Variants in ADGRB1 observed in about 807,000 individuals in gnomAD.
The protein encoded by ADGRB1 is adhesion G protein-coupled receptor B1, also known as brain-specific angiogenesis inhibitor 1.
Under a neutral mutation model 175.7 loss-of-function variants are expected in ADGRB1, and 36 were observed. The observed-to-expected ratio is 0.20, with a 90% confidence interval of 0.16 to 0.27. The LOEUF is 0.27. ADGRB1 is among the 10% of genes least tolerant of loss of function. The probability of loss-of-function intolerance (pLI) is 1.00; values close to 1 mark genes in which losing one functional copy is unlikely to be tolerated. For synonymous variants in ADGRB1, 1,054 were observed against 979.4 expected, an observed-to-expected ratio of 1.08 and a Z score of -1.42; for missense variants, 1,731 against 2,255.3, an observed-to-expected ratio of 0.77 and a Z score of 4.71.
intron 24 of ADGRB1, among the ~76,000 whole-genome samples, chr8:142,527,329 C>T (rs1211075603): frequency 1.3e-5 from 2 of 152,212 alleles, no homozygotes; most frequent in African/African-American, 4.8e-5. Context: ...CCAGCCCTGG[C>T]TGGTGTCTGC....
intron 17 of ADGRB1, among the ~76,000 whole-genome samples, chr8:142,497,242 AGCTGTCCTGGC>A (rs1361759515): frequency 6.6e-6 from 1 of 152,178 alleles, no homozygotes; most frequent in Non-Finnish European, 1.5e-5. Context: ...TGTCAGGTTC[AGCTGTCCTGGC>A]TCGGGACCCA....
At chr8:142,477,317 G>T in intron 5 of ADGRB1, 39 bp downstream of exon 5, 1 of 1,583,022 alleles carries the variant, frequency 6.3e-7, no homozygotes, top group Non-Finnish European at 8.6e-7. Context: ...GACAGCCAGG[G>T]CAGCGGGGGG....
In ADGRB1 at chr8:142,469,407, G is replaced by A. The variant is rs189311967; in HGVS notation, c.784+4425G>A. 6.8e-3 allele frequency among the ~76,000 whole-genome samples: 1,028 copies of A among 151,530 alleles called. 10 individuals carry two copies. The highest frequency in any genetic ancestry group is 9.8e-3 in the Non-Finnish European group (668 of 67,836). ...GGAGTGTGTATGTGCACATGCAGAT[G>A]TGAATGTGAGTGTGTGCACGTGTGA... is the stretch of plus-strand genomic sequence containing the variant. On this transcript the variant is annotated intron_variant, in intron 2 of 30. Transcript: ENST00000517894.
At position 142,542,586 on chromosome 8, in the gene ADGRB1, C is replaced by G; in HGVS notation, c.4352C>G (p.Pro1451Arg). Residue 1451 changes from proline (P) to arginine (R), a missense_variant, in exon 28 of 31, where the codon CCC (proline) becomes CGC (arginine). Transcript: ENST00000517894. The surrounding 1 kb of genome is among the most constrained non-coding windows in gnomAD (Gnocchi z 6.3). Reference protein sequence around the residue: ...DPGEPAAHPGPSTGPSTKNEN... With the variant: ...DPGEPAAHPGRSTGPSTKNEN... ...GGGGAGCCTGCCGCCCATCCGGGAC[C>G]CAGCACGGGGCCCAGCACCAAGAAC... The G allele has an allele frequency of 6.5e-7, 1 of 1,543,004 alleles. No homozygotes were observed. The highest frequency in any genetic ancestry group is 8.7e-7 in the Non-Finnish European group (1 of 1,144,446).
In ADGRB1 at chr8:142,493,863, T is replaced by C. The variant is rs1842093844; in HGVS notation, c.2675+3048T>C. ...CACTCTGAGTTGGATGGCACCTCCC[T>C]TGACTGCTGCAGGGGCCACTCCTCG... On this transcript the variant is annotated intron_variant, in intron 17 of 30. Transcript: ENST00000517894. This position sits in a 1 kb window ranked among gnomAD's most constrained non-coding sequence, Gnocchi z 5.0. 6.6e-6 allele frequency among the ~76,000 whole-genome samples: 1 copy of C among 152,208 alleles called. No homozygotes were observed. Among genetic ancestry groups the C allele is most frequent in the Non-Finnish European group, 1.5e-5 (1 of 68,028 alleles).
intron 17 of ADGRB1, among the ~76,000 whole-genome samples, chr8:142,501,952 G>A (rs1405271888): frequency 9.3e-4 from 21 of 22,690 alleles, no homozygotes; most frequent in East Asian, 4.5e-3. Flanking sequence ...GGTAGTGATG[G>A]CTGTGTGGTT....
intron 17 of ADGRB1, among the ~76,000 whole-genome samples, chr8:142,494,084 G>T (rs1842105657): frequency 6.6e-6 from 1 of 152,166 alleles, no homozygotes; most frequent in Non-Finnish European, 1.5e-5. Flanking sequence ...GAGCACAGTG[G>T]TTTGTGGCGG....
At chr8:142,452,820 C>T (rs558803016) in intron 1 of ADGRB1, among the ~76,000 whole-genome samples, 190 of 151,684 alleles carry the variant, frequency 1.3e-3, no homozygotes, top group African/African-American at 4.5e-3. Flanking sequence ...CGGAGCCCGT[C>T]CTCCGGGGAC....
rs992301389 is a variant in ADGRB1, at chr8:142,511,349, C to A, written c.2817+276C>A. Among the ~76,000 whole-genome samples the A allele has an allele frequency of 1.3e-5, 2 of 152,048 alleles. No individual in the cohort carries two copies. Among genetic ancestry groups the A allele is most frequent in the Non-Finnish European group, 2.9e-5 (2 of 67,974 alleles). ...GATGGGTGGGTCCCATCTCCCCTGG[C>A]CTTGGAGGCCCGGGATCTCCGAGGG... On this transcript the variant is annotated intron_variant, in intron 18 of 30. Coordinates refer to ENST00000517894, the MANE Select transcript of ADGRB1 (RefSeq NM_001702.3). This position sits in a 1 kb window ranked among gnomAD's most constrained non-coding sequence, Gnocchi z 4.5.
intron 19 of ADGRB1, among the ~76,000 whole-genome samples, chr8:142,518,866 G>A (rs1843599881): frequency 6.6e-6 from 1 of 152,238 alleles, no homozygotes; most frequent in African/African-American, 2.4e-5. Flanking sequence ...ACTGCCCATG[G>A]GGCCGAGTGG....
intron 2 of ADGRB1, among the ~76,000 whole-genome samples, chr8:142,468,440 TG>T (rs1237470664): frequency 6.6e-6 from 1 of 152,158 alleles, no homozygotes; most frequent in Non-Finnish European, 1.5e-5. Flanking sequence ...TTGTGCAGGA[TG>T]GGGTGGAATG....
intron 24 of ADGRB1, among the ~76,000 whole-genome samples, chr8:142,532,489 G>A (rs1238790010): frequency 2.0e-5 from 3 of 152,154 alleles, no homozygotes; most frequent in Admixed American, 6.5e-5. Flanking sequence ...GAGCGGCAGA[G>A]GCAGCAGGAA....
At chr8:142,512,372 A>T (rs763702592) in intron 18 of ADGRB1, among the ~76,000 whole-genome samples, 79 of 152,214 alleles carry the variant, frequency 5.2e-4, no homozygotes, top group Non-Finnish European at 1.1e-3. Flanking sequence ...GTAGGAGGAC[A>T]TAGACATTAT....
In ADGRB1 at chr8:142,449,658, C is replaced by A. The variant is rs927843615; in HGVS notation, c.-666C>A. On this transcript the variant is annotated 5_prime_UTR_variant, in exon 1 of 31. Transcript: ENST00000517894. ...GAAGGGGAAAAAAGGCGAGAAGAGCCGGGCAGGCGAGAGGAGCGGAGCGGC... is the reference window on the plus strand; with the variant it reads ...GAAGGGGAAAAAAGGCGAGAAGAGCAGGGCAGGCGAGAGGAGCGGAGCGGC... 3.4e-5 allele frequency: 5 copies of A among 147,732 alleles called. No homozygotes were observed. Among genetic ancestry groups the A allele is most frequent in the African/African-American group, 9.9e-5 (4 of 40,260 alleles). The allele number at this position is 147,732 out of a possible 1,614,324, so 9.2% of individuals were successfully genotyped here.
chr8:142,544,168 C>T, intron 30 of ADGRB1, 52 bp from the exon 31 acceptor site: 1 of 1,534,418 alleles, frequency 6.5e-7, no homozygotes, highest in Admixed American at 2.1e-5. Context: ...TCCTCGGGCT[C>T]ATGGCTCTCC....
rs375404543 is a variant in ADGRB1, at chr8:142,521,870, G to A, written c.3025-95G>A. 547 of 1,435,090 alleles carry A rather than the reference G, an allele frequency of 3.8e-4. 6 individuals carry two copies. The South Asian group carries it at 6.1e-3, about 16-fold the overall frequency. The allele number at this position is 1,435,090 out of a possible 1,614,324, so 88.9% of individuals were successfully genotyped here. On this transcript the variant is annotated intron_variant, in intron 20 of 30. Coordinates refer to ENST00000517894, the MANE Select transcript of ADGRB1 (RefSeq NM_001702.3). The stretch of plus-strand genomic sequence containing the variant: ...GGTTGGGTCCCAGTGAGGGTGCTGG[G>A]TGCTGGGCTGCCAGCTGCAGACAGG...
intron 24 of ADGRB1, among the ~76,000 whole-genome samples, chr8:142,532,025 G>A (rs1271302262): frequency 6.6e-6 from 1 of 152,272 alleles, no homozygotes; most frequent in East Asian, 1.9e-4. Context: ...GCAGACTCCA[G>A]GTCATTCCAG....
chr8:142,453,295 G>T lies in ADGRB1; in HGVS notation c.-220+3191G>T, dbSNP rs974792268. 1.6e-4 allele frequency among the ~76,000 whole-genome samples: 24 copies of T among 152,352 alleles called. No homozygotes were observed. In the South Asian group the frequency reaches 2.1e-3, roughly 13 times the overall value. Reference sequence around the variant, plus strand: ...CGTGACGGGGGCGGGTCTCGCGCCGGTGTGGCCCCGGATGGCAGGATTTAG... The same window carrying T: ...CGTGACGGGGGCGGGTCTCGCGCCGTTGTGGCCCCGGATGGCAGGATTTAG... On this transcript the variant is annotated intron_variant, in intron 1 of 30. Coordinates refer to ENST00000517894, the MANE Select transcript of ADGRB1 (RefSeq NM_001702.3).
intron 25 of ADGRB1, among the ~76,000 whole-genome samples, chr8:142,534,918 C>G (rs1844838782): frequency 6.6e-6 from 1 of 152,236 alleles, no homozygotes. Flanking sequence ...GACAGGACAG[C>G]TCCAGGGAGC....
Sources: gnomAD v4.1 joint callset for allele counts (sites outside exome capture counted in the v4.1 genomes callset) on GRCh38, gnomAD v4.1.1 for gene constraint, Gnocchi (gnomAD v3.1) non-coding constraint, MANE v1.5 for transcripts, NCBI Gene and HGNC (gene_info 2026-07-23, HGNC 2026-07-21) for gene names.